EXOC2: variants seen among roughly 807,000 people sequenced by gnomAD.
The protein encoded by EXOC2 is exocyst complex component 2, also known as SEC5-like 1.
A neutral mutation model predicts 131.8 loss-of-function variants in EXOC2; 70 were observed. That is an observed-to-expected ratio of 0.53 (90% CI 0.44 to 0.65). The LOEUF (loss-of-function observed/expected upper bound fraction) is 0.65, where lower values mean the gene tolerates loss of function less well. Ranked by LOEUF, EXOC2 falls within the 30% of genes least tolerant of loss-of-function variation. The probability of loss-of-function intolerance (pLI) is 0.00; values close to 1 mark genes in which losing one functional copy is unlikely to be tolerated. For synonymous variants in EXOC2, 411 were observed against 398.4 expected, an observed-to-expected ratio of 1.03 and a Z score of -0.38; for missense variants, 923 against 1,108.6, an observed-to-expected ratio of 0.83 and a Z score of 2.38.
chr6:515,342 G>T (rs1270384989), intron 23 of EXOC2, among the ~76,000 whole-genome samples: 1 of 152,222 alleles, frequency 6.6e-6, no homozygotes, highest in Admixed American at 6.5e-5. Context: ...ATGAAAAAAA[G>T]TTCATGTCTT....
Position 597,928 on chromosome 6 carries a change from C to T in EXOC2, c.1073+93G>A. On this transcript the variant is annotated intron_variant, in intron 10 of 27. Coordinates refer to ENST00000230449, the MANE Select transcript of EXOC2 (RefSeq NM_018303.6). ...TCCCCTTCACCATTTCATCAATCTC[C>T]TAAAGTCCCTCAAGTTAGCCTTAAG... is the stretch of plus-strand genomic sequence containing the variant. 3.5e-6 allele frequency: 3 copies of T among 857,258 alleles called. No individual in the cohort carries two copies. In the South Asian group the frequency reaches 5.3e-5, roughly 15 times the overall value. The allele number at this position is 857,258 out of a possible 1,614,324, so 53.1% of individuals were successfully genotyped here.
intron 1 of EXOC2, among the ~76,000 whole-genome samples, chr6:658,131 C>T (rs920456067): frequency 5.9e-5 from 9 of 152,082 alleles, no homozygotes; most frequent in African/African-American, 2.2e-4. Context: ...CTAGCTGATA[C>T]ACATAATTCA....
At chr6:558,554 G>A (rs1420305338) in intron 17 of EXOC2, among the ~76,000 whole-genome samples, 1 of 152,168 alleles carries the variant, frequency 6.6e-6, no homozygotes, top group African/African-American at 2.4e-5. Context: ...GCTCACGCTC[G>A]TAATCCCGGC....
At chr6:627,104 G>T (rs1414626053) in intron 4 of EXOC2, among the ~76,000 whole-genome samples, 1 of 152,016 alleles carries the variant, frequency 6.6e-6, no homozygotes, top group African/African-American at 2.4e-5. Flanking sequence ...CTGAAAAATA[G>T]TAAGTAAATC....
chr6:585,714 AT>A lies in EXOC2; in HGVS notation c.1192+6754del, dbSNP rs565276275. On this transcript the variant is annotated intron_variant, in intron 11 of 27. Coordinates refer to ENST00000230449, the MANE Select transcript of EXOC2 (RefSeq NM_018303.6). ...GCTTTAAAAAAGCAGACTTAAAAAA[AT>A]ATTTATATGTTAGATTTCTTAGATT... is the stretch of plus-strand genomic sequence containing the variant. Among the ~76,000 whole-genome samples, 974 of 152,378 alleles carry A rather than the reference AT, an allele frequency of 6.4e-3. 6 individuals carry two copies. The highest frequency in any genetic ancestry group is 0.031 in the Middle Eastern group (9 of 294).
chr6:504,654 A>C (rs988410134), intron 23 of EXOC2, among the ~76,000 whole-genome samples: 1 of 152,106 alleles, frequency 6.6e-6, no homozygotes, highest in Non-Finnish European at 1.5e-5. Context: ...ACCTTCCACA[A>C]CTCAGCTTAT....
chr6:598,240 G>T, intron 9 of EXOC2, 117 bp from the exon 10 acceptor site: 1 of 696,094 alleles, frequency 1.4e-6, no homozygotes, highest in Non-Finnish European at 2.4e-6. Flanking sequence ...CCAGGGCCGT[G>T]TCTAGAGTGA....
chr6:491,328 TAG>T (rs1763423026), intron 25 of EXOC2, 142 bp from the exon 26 acceptor site: 2 of 729,502 alleles, frequency 2.7e-6, no homozygotes, highest in Non-Finnish European at 4.6e-6. Flanking sequence ...CAGTCATGAG[TAG>T]AGTTTCTAAA....
intron 25 of EXOC2, among the ~76,000 whole-genome samples, chr6:491,946 A>T (rs1460920114): frequency 6.6e-6 from 1 of 152,224 alleles, no homozygotes; most frequent in Non-Finnish European, 1.5e-5. Context: ...GTGCTAGGGC[A>T]ACTGGATATC....
At chr6:656,842 G>T in intron 1 of EXOC2, 1 of 1,610,528 alleles carries the variant, frequency 6.2e-7, no homozygotes, top group Non-Finnish European at 8.5e-7. Flanking sequence ...CTGTCAGGGC[G>T]CACGCGGAGC....
chr6:602,790 T>C (rs1479149102), intron 7 of EXOC2, among the ~76,000 whole-genome samples: 1 of 152,210 alleles, frequency 6.6e-6, no homozygotes. Context: ...CACAGCGTGG[T>C]TGCCACCAGT....
chr6:608,150 A>C (rs550489442), intron 7 of EXOC2, among the ~76,000 whole-genome samples: 16 of 152,332 alleles, frequency 1.1e-4, no homozygotes, highest in Non-Finnish European at 1.8e-4. Flanking sequence ...AACAGAACTG[A>C]CTGAATCTTT....
chr6:652,955 T>G (rs774356678), intron 1 of EXOC2, among the ~76,000 whole-genome samples: 20 of 152,232 alleles, frequency 1.3e-4, no homozygotes, highest in Admixed American at 3.9e-4. Flanking sequence ...TTTTGGTAAT[T>G]CTTGCATTAT....
At chr6:517,162 GAAAT>G (rs1765205762) in intron 23 of EXOC2, among the ~76,000 whole-genome samples, 1 of 152,106 alleles carries the variant, frequency 6.6e-6, no homozygotes, top group South Asian at 2.1e-4. Context: ...AGTGTGGAAA[GAAAT>G]AAAAGAGAAG....
At chr6:683,933 G>A (rs4960187) in intron 1 of EXOC2, among the ~76,000 whole-genome samples, 21,747 of 152,224 alleles carry the variant, frequency 0.14, 1,723 homozygotes, top group African/African-American at 0.2. Context: ...AGAACGCACC[G>A]CAGCTGCGAA....
intron 1 of EXOC2, among the ~76,000 whole-genome samples, chr6:680,531 T>A (rs1371827738): frequency 6.6e-6 from 1 of 152,084 alleles, no homozygotes; most frequent in Non-Finnish European, 1.5e-5. Flanking sequence ...TATATACATG[T>A]TTTAGAAACG....
intron 1 of EXOC2, among the ~76,000 whole-genome samples, chr6:642,347 G>C (rs1279074649): frequency 2.0e-5 from 3 of 152,190 alleles, no homozygotes; most frequent in East Asian, 1.9e-4. Flanking sequence ...TGTGGGATCT[G>C]ACATGCTCAT....
At chr6:615,551 A>G (rs530208500) in intron 6 of EXOC2, among the ~76,000 whole-genome samples, 2 of 152,082 alleles carry the variant, frequency 1.3e-5, no homozygotes, top group African/African-American at 2.4e-5. Flanking sequence ...GAAAAACCAG[A>G]AACAGGCTGG....
intron 3 of EXOC2, among the ~76,000 whole-genome samples, chr6:631,023 G>T (rs1337366923): frequency 6.6e-6 from 1 of 152,158 alleles, no homozygotes; most frequent in Non-Finnish European, 1.5e-5. Context: ...CAAGGCCCTG[G>T]GCTGCAACAG....
Sources: gnomAD v4.1 joint callset for allele counts (sites outside exome capture counted in the v4.1 genomes callset) on GRCh38, gnomAD v4.1.1 for gene constraint, MANE v1.5 for transcripts, NCBI Gene and HGNC (gene_info 2026-07-23, HGNC 2026-07-21) for gene names.